Variants in ZNF578 observed in about 807,000 individuals in gnomAD.
ZNF578 encodes Putative chemokine-related protein B42.
Under a neutral mutation model 8.3 loss-of-function variants are expected in ZNF578, and 8 were observed. The ratio of observed to expected loss-of-function variants is 0.96; its 90% CI spans 0.56 to 1.74. The LOEUF (loss-of-function observed/expected upper bound fraction) is 1.74. Among genes scored for constraint, ZNF578 ranks in the 40% most tolerant of loss-of-function variants. The pLI is 0.00. For synonymous variants in ZNF578, 206 were observed against 232.2 expected (o/e 0.89, Z 1.03); for missense variants, 726 against 707.5 (o/e 1.03, Z -0.30).
chr19:52,475,425 C>G (rs2059305292), intron 2 of ZNF578, among the ~76,000 whole-genome samples: 2 of 149,500 alleles, frequency 1.3e-5, no homozygotes, highest in Admixed American at 1.3e-4. Flanking sequence ...GCAGTGATCT[C>G]TGCTCACTGC....
intron 5 of ZNF578, 73 bp downstream of exon 5, chr19:52,504,854 C>G: frequency 1.3e-6 from 2 of 1,591,048 alleles, no homozygotes; most frequent in Non-Finnish European, 1.7e-6. Context: ...TTTGTATTCT[C>G]TTTTGTGATT....
chr19:52,481,010 G>A (rs374096115), intron 2 of ZNF578, among the ~76,000 whole-genome samples: 26 of 151,948 alleles, frequency 1.7e-4, no homozygotes, highest in African/African-American at 6.0e-4. Context: ...GATTTGCAGG[G>A]AATTGAGTTT....
In ZNF578 at chr19:52,499,115, G is replaced by A. The variant is rs139174467; in HGVS notation, c.-19-2712G>A. Among the ~76,000 whole-genome samples the A allele has an allele frequency of 6.2e-3, 939 of 152,204 alleles. 11 individuals carry two copies. The highest frequency in any genetic ancestry group is 0.022 in the African/African-American group (893 of 41,510). On this transcript the variant is annotated intron_variant, in intron 3 of 5. Transcript: ENST00000421239. ...AGGATAACTTGGTGAAATGTCTCCC[G>A]CTGTGAGCCTTAGTGAGCCCACCTG...
intron 3 of ZNF578, among the ~76,000 whole-genome samples, chr19:52,493,442 C>T (rs2059373836): frequency 1.3e-5 from 2 of 152,160 alleles, no homozygotes; most frequent in South Asian, 2.1e-4. Flanking sequence ...CCCAGTTCCA[C>T]CCCCCGGAAA....
chr19:52,481,121 G>A (rs1232455015), intron 2 of ZNF578, among the ~76,000 whole-genome samples: 1 of 152,090 alleles, frequency 6.6e-6, no homozygotes, highest in Non-Finnish European at 1.5e-5. Flanking sequence ...CCCAGGGCAG[G>A]TGGGTTAGCC....
intron 2 of ZNF578, chr19:52,474,032 A>G (rs1189488376): frequency 7.5e-6 from 3 of 401,970 alleles, no homozygotes; most frequent in African/African-American, 2.1e-5. Context: ...AAGGTGTGCA[A>G]TTTGATTGAA....
At chr19:52,493,779 TC>T (rs1217757473) in intron 3 of ZNF578, among the ~76,000 whole-genome samples, 1 of 150,306 alleles carries the variant, frequency 6.7e-6, no homozygotes, top group Non-Finnish European at 1.5e-5. Flanking sequence ...TCACCTGAGG[TC>T]CCGAGTTCGA....
At chr19:52,480,309 T>C (rs2059321726) in intron 2 of ZNF578, among the ~76,000 whole-genome samples, 1 of 152,206 alleles carries the variant, frequency 6.6e-6, no homozygotes, top group Non-Finnish European at 1.5e-5. Context: ...TTCTCTTCTT[T>C]CTGGGTAATT....
At position 52,512,983 on chromosome 19, in the gene ZNF578, A is replaced by C. The variant is rs2059455418; in HGVS notation, c.*829A>C. Among the ~76,000 whole-genome samples, 1 of 151,924 alleles carries C rather than the reference A, an allele frequency of 6.6e-6. No individual in the cohort carries two copies. The highest frequency in any genetic ancestry group is 1.5e-5 in the Non-Finnish European group (1 of 67,976). On this transcript the variant is annotated 3_prime_UTR_variant, in exon 6 of 6. Coordinates refer to ENST00000421239, the MANE Select transcript of ZNF578 (RefSeq NM_001099694.2). ...TCACTTGAGGTCAAGAGTTTGAAAC[A>C]AGCATGGCCAAGAGATGTGAGCCAG... is the stretch of plus-strand genomic sequence containing the variant.
chr19:52,505,408 T>TTTTG (rs142211122), intron 5 of ZNF578, among the ~76,000 whole-genome samples: 3 of 151,496 alleles, frequency 2.0e-5, no homozygotes, highest in Non-Finnish European at 4.4e-5. Flanking sequence ...ATTGTTCATT[T>TTTTG]TTTGTTTGTT....
At chr19:52,474,578 TTC>T in intron 2 of ZNF578, 1 of 310,816 alleles carries the variant, frequency 3.2e-6, no homozygotes. Context: ...CCAGTATGAA[TTC>T]TCTGATGTCA....
intron 2 of ZNF578, among the ~76,000 whole-genome samples, chr19:52,489,101 C>T (rs1265223643): frequency 2.6e-5 from 4 of 151,522 alleles, no homozygotes; most frequent in African/African-American, 9.7e-5. Context: ...TCCGTCTGCC[C>T]CCCCTAAAAA....
intron 2 of ZNF578, among the ~76,000 whole-genome samples, chr19:52,478,839 A>G (rs1411209438): frequency 4.0e-5 from 6 of 151,802 alleles, no homozygotes; most frequent in Admixed American, 2.6e-4. Context: ...TCAGCCTCCC[A>G]TGTAGCTGGG....
rs1473463228 is a variant in ZNF578 at position 52,504,513 on chromosome 19, A to G, written c.64-142A>G. 10 of 1,510,368 alleles carry G rather than the reference A, an allele frequency of 6.6e-6. No individual in the cohort carries two copies. The South Asian group carries it at 1.3e-4, about 20-fold the overall frequency. The allele number at this position is 1,510,368 out of a possible 1,614,324, so 93.6% of individuals were successfully genotyped here. On this transcript the variant is annotated intron_variant, in intron 4 of 5. Transcript: ENST00000421239. ...CAATAAAATGCAACTATTGAGAAAA[A>G]AAATTCAAAAATACCTTAACGTGGT...
Position 52,491,327 on chromosome 19 carries a change from T to C in ZNF578, c.-118T>C. 1 of 263,782 alleles carries C rather than the reference T, an allele frequency of 3.8e-6. No individual in the cohort carries two copies. Among genetic ancestry groups the C allele is most frequent in the Admixed American group, 3.8e-5 (1 of 26,348 alleles). 16.3% of individuals were successfully genotyped at this position (263,782 alleles called of 1,614,324 possible). On this transcript the variant is annotated 5_prime_UTR_variant, in exon 3 of 6. Transcript: ENST00000421239. ...TATTGGTGTTTATATTTTGTAGATA[T>C]CTCTTCCAAATGCATGATGAAAAAG...
At chr19:52,485,568 T>TA (rs1312738876) in intron 2 of ZNF578, among the ~76,000 whole-genome samples, 9 of 152,144 alleles carry the variant, frequency 5.9e-5, no homozygotes, top group South Asian at 2.1e-4. Context: ...ATCAGACTGT[T>TA]ACTGTGTCTA....
rs1425062059 is a variant in ZNF578 at position 52,511,668 on chromosome 19, T to C, written c.1287T>C (p.Cys429=). The C allele has an allele frequency of 1.2e-6, 2 of 1,613,928 alleles. No individual in the cohort carries two copies. The highest frequency in any genetic ancestry group is 2.7e-5 in the African/African-American group (2 of 74,904). The part of the protein sequence containing the change: ...RLHTGEKPYK[C]NDCGKAFIHQ... ...ATACTGGAGAGAAACCTTACAAGTGTAATGACTGTGGTAAGGCTTTTATTC... is the reference window on the plus strand; with the variant it reads ...ATACTGGAGAGAAACCTTACAAGTGCAATGACTGTGGTAAGGCTTTTATTC... The change falls in exon 6 of 6, where the codon TGT becomes TGC. Residue 429 remains cysteine, a synonymous_variant. Coordinates refer to ENST00000421239, the MANE Select transcript of ZNF578 (RefSeq NM_001099694.2).
At position 52,511,374 on chromosome 19, in the gene ZNF578, A is replaced by C; in HGVS notation, c.993A>C (p.Thr331=). The change falls in exon 6 of 6, where the codon ACA becomes ACC. Residue 331 remains threonine, a synonymous_variant. Coordinates refer to ENST00000421239, the MANE Select transcript of ZNF578 (RefSeq NM_001099694.2). ...GKSFSYKSSL[T]CHHRCHTGEK... is the part of the protein sequence containing the mutation. ...CCTTCAGTTACAAGTCATCCCTTACATGCCATCATAGGTGTCACACTGGTG... is the reference window on the plus strand; with the variant it reads ...CCTTCAGTTACAAGTCATCCCTTACCTGCCATCATAGGTGTCACACTGGTG... 1 of 1,614,150 alleles carries C rather than the reference A, an allele frequency of 6.2e-7. No homozygotes were observed.
At chr19:52,470,079 G>A (rs915990922) in intron 2 of ZNF578, among the ~76,000 whole-genome samples, 7 of 152,132 alleles carry the variant, frequency 4.6e-5, no homozygotes, top group South Asian at 2.1e-4. Flanking sequence ...CCCTTTTTGC[G>A]AGAGAAAATG....
Sources: allele counts gnomAD v4.1 joint callset (sites outside exome capture counted in the v4.1 genomes callset), GRCh38; gene constraint gnomAD v4.1.1; transcripts MANE v1.5; gene names NCBI Gene and HGNC (gene_info 2026-07-23, HGNC 2026-07-21).